The following SKAP2 variants were observed in gnomAD, a reference collection of about 807,000 sequenced individuals.
The protein encoded by SKAP2 is src kinase associated phosphoprotein 2.
SKAP2 carries 28 observed loss-of-function variants against 54.9 expected under a neutral mutation model. The ratio of observed to expected loss-of-function variants is 0.51; its 90% CI spans 0.38 to 0.70. The LOEUF (loss-of-function observed/expected upper bound fraction) is 0.70, where lower values mean the gene tolerates loss of function less well. Among genes scored for constraint, SKAP2 ranks in the 30% least tolerant of loss-of-function variants. The pLI, the probability that SKAP2 is intolerant of heterozygous loss-of-function variation, is 0.00. For synonymous variants in SKAP2, 137 were observed against 134.3 expected (o/e 1.02, Z -0.14); for missense variants, 356 against 424.1 (o/e 0.84, Z 1.41).
intron 1 of SKAP2, among the ~76,000 whole-genome samples, chr7:26,863,966 G>A (rs1197479171): frequency 6.6e-6 from 1 of 151,230 alleles, no homozygotes; most frequent in Non-Finnish European, 1.5e-5. Context: ...CTACTTATTT[G>A]ACTTCTGCTC....
intron 1 of SKAP2, 39 bp downstream of exon 1, chr7:26,864,324 C>T: frequency 1.2e-6 from 2 of 1,612,960 alleles, no homozygotes; most frequent in Non-Finnish European, 1.7e-6. Flanking sequence ...TCCCTCGCCC[C>T]CGCCCCGACA....
chr7:26,779,809 T>C (rs1783389001), intron 4 of SKAP2, among the ~76,000 whole-genome samples: 1 of 152,006 alleles, frequency 6.6e-6, no homozygotes, highest in South Asian at 2.1e-4. Flanking sequence ...ACAAGTAATT[T>C]GTGTTTTAAG....
chr7:26,823,375 G>A (rs1206465394), intron 4 of SKAP2, among the ~76,000 whole-genome samples: 2 of 137,032 alleles, frequency 1.5e-5, no homozygotes, highest in East Asian at 2.2e-4. Flanking sequence ...GCAGTGAGCC[G>A]AGATCATGCC....
intron 4 of SKAP2, among the ~76,000 whole-genome samples, chr7:26,774,696 T>C (rs1783265342): frequency 6.6e-6 from 1 of 152,138 alleles, no homozygotes; most frequent in African/African-American, 2.4e-5. Flanking sequence ...GCAATACCAT[T>C]CTAAAACTTT....
chr7:26,839,867 G>A (rs1389834782), intron 4 of SKAP2, among the ~76,000 whole-genome samples: 2 of 151,906 alleles, frequency 1.3e-5, no homozygotes. Context: ...CTTTCTAAGA[G>A]CTAATTATTT....
At chr7:26,684,531 A>G (rs753309088) in intron 11 of SKAP2, among the ~76,000 whole-genome samples, 1 of 152,194 alleles carries the variant, frequency 6.6e-6, no homozygotes, top group Non-Finnish European at 1.5e-5. Context: ...ACACACTGTT[A>G]AGTTGAATCC....
At chr7:26,678,045 C>A (rs542877877) in intron 11 of SKAP2, among the ~76,000 whole-genome samples, 1 of 152,256 alleles carries the variant, frequency 6.6e-6, no homozygotes, top group East Asian at 1.9e-4. Flanking sequence ...TGTATTGATA[C>A]CTGGAGAAGG....
chr7:26,686,119 C>G (rs1453625802), intron 10 of SKAP2, among the ~76,000 whole-genome samples: 1 of 151,794 alleles, frequency 6.6e-6, no homozygotes, highest in African/African-American at 2.4e-5. Flanking sequence ...GTTAGGTTTA[C>G]TAGAAAATTT....
At chr7:26,697,125 G>A (rs974199743) in intron 9 of SKAP2, among the ~76,000 whole-genome samples, 4 of 152,140 alleles carry the variant, frequency 2.6e-5, no homozygotes, top group Middle Eastern at 3.2e-3. Context: ...TTTCACAGAA[G>A]ATGAGGTAAA....
intron 4 of SKAP2, among the ~76,000 whole-genome samples, chr7:26,771,496 C>T (rs947707838): frequency 6.6e-6 from 1 of 152,014 alleles, no homozygotes; most frequent in East Asian, 1.9e-4. Flanking sequence ...AAATCTAGGC[C>T]GGAGTCAGCT....
chr7:26,788,246 C>A (rs567176762), intron 4 of SKAP2, among the ~76,000 whole-genome samples: 9 of 152,122 alleles, frequency 5.9e-5, no homozygotes, highest in Non-Finnish European at 8.8e-5. Context: ...TATGAAGTTA[C>A]AGTACCAGAA....
intron 9 of SKAP2, 143 bp from the exon 10 acceptor site, chr7:26,690,505 A>G: frequency 1.7e-6 from 1 of 573,916 alleles, no homozygotes; most frequent in South Asian, 2.4e-5. Context: ...CAAGATTCAC[A>G]GTCCTTTTTC....
intron 9 of SKAP2, among the ~76,000 whole-genome samples, chr7:26,691,768 A>G (rs1786788554): frequency 6.6e-6 from 1 of 152,208 alleles, no homozygotes; most frequent in South Asian, 2.1e-4. Context: ...AGGAGAGAGG[A>G]TAAGAAGGAT....
At chr7:26,729,172 A>C (rs956601737) in intron 6 of SKAP2, among the ~76,000 whole-genome samples, 66 of 152,264 alleles carry the variant, frequency 4.3e-4, no homozygotes, top group African/African-American at 1.6e-3. Context: ...GAAATATGCT[A>C]TGGGGCTATG....
chr7:26,687,875 T>G (rs1231825630), intron 10 of SKAP2, among the ~76,000 whole-genome samples: 1 of 152,154 alleles, frequency 6.6e-6, no homozygotes, highest in East Asian at 1.9e-4. Flanking sequence ...TTTAGTTGGC[T>G]TTACTACATG....
chr7:26,674,333 C>G (rs893939831), intron 11 of SKAP2, among the ~76,000 whole-genome samples: 3 of 152,076 alleles, frequency 2.0e-5, no homozygotes, highest in African/African-American at 7.2e-5. Context: ...TTCATAAACA[C>G]TGTAATACTA....
chr7:26,798,853 T>G (rs1015455566), intron 4 of SKAP2, among the ~76,000 whole-genome samples: 3 of 152,162 alleles, frequency 2.0e-5, no homozygotes, highest in African/African-American at 7.2e-5. Flanking sequence ...TAGGTTAAAA[T>G]AATGGGTTAT....
chr7:26,699,482 A>G (rs1487580809), intron 9 of SKAP2, among the ~76,000 whole-genome samples: 1 of 152,176 alleles, frequency 6.6e-6, no homozygotes, highest in African/African-American at 2.4e-5. Flanking sequence ...GTTTATCATC[A>G]TGACTTTTAA....
intron 4 of SKAP2, among the ~76,000 whole-genome samples, chr7:26,778,754 T>C (rs1319893490): frequency 6.6e-6 from 1 of 151,938 alleles, no homozygotes; most frequent in Non-Finnish European, 1.5e-5. Flanking sequence ...GATCAAGTAA[T>C]GTAAACATGT....
Sources: gnomAD v4.1 joint callset for allele counts (sites outside exome capture counted in the v4.1 genomes callset) on GRCh38, gnomAD v4.1.1 for gene constraint, MANE v1.5 for transcripts, NCBI Gene and HGNC (gene_info 2026-07-23, HGNC 2026-07-21) for gene names.